The following HELLS variants were observed in gnomAD, a reference collection of about 807,000 sequenced individuals.
HELLS encodes the protein lymphoid-specific helicase.
Under a neutral mutation model 120.0 loss-of-function variants are expected in HELLS, and 32 were observed. That is an observed-to-expected ratio of 0.27 (90% confidence interval 0.20 to 0.36). The LOEUF is 0.36. Among genes scored for constraint, HELLS ranks in the 10% least tolerant of loss-of-function variants. HELLS has a pLI of 1.00. For synonymous variants in HELLS, 341 were observed against 323.4 expected (o/e 1.05, Z -0.58); for missense variants, 650 against 993.4 (o/e 0.65, Z 4.65).
intron 2 of HELLS, among the ~76,000 whole-genome samples, chr10:94,552,724 T>G (rs1026549620): frequency 2.6e-5 from 4 of 151,946 alleles, no homozygotes; most frequent in African/African-American, 9.7e-5. Flanking sequence ...GTAATCCCAG[T>G]ACTTTGGGAG....
At chr10:94,564,870 C>T (rs1020086234) in intron 6 of HELLS, among the ~76,000 whole-genome samples, 1 of 152,010 alleles carries the variant, frequency 6.6e-6, no homozygotes, top group Non-Finnish European at 1.5e-5. Flanking sequence ...GCTGCGATTA[C>T]AGGCATGAGG....
At chr10:94,599,284 A>G (rs1411699719) in intron 21 of HELLS, among the ~76,000 whole-genome samples, 1 of 152,246 alleles carries the variant, frequency 6.6e-6, no homozygotes, top group Non-Finnish European at 1.5e-5. Context: ...TATCAATTAA[A>G]TAATGGAGAA....
intron 7 of HELLS, 130 bp downstream of exon 7, chr10:94,571,559 C>A: frequency 3.0e-6 from 2 of 671,228 alleles, no homozygotes; most frequent in South Asian, 5.5e-5. Context: ...AAAAAAAATA[C>A]CTATGTATTC....
downstream of HELLS, among the ~76,000 whole-genome samples, chr10:94,604,751 A>G (rs1327358172): frequency 1.3e-5 from 2 of 152,142 alleles, no homozygotes; most frequent in East Asian, 1.9e-4. Context: ...TAGATAAGCC[A>G]TGGAATATGC....
At chr10:94,585,943 C>T (rs571156409) in intron 12 of HELLS, among the ~76,000 whole-genome samples, 2 of 152,158 alleles carry the variant, frequency 1.3e-5, no homozygotes, top group Non-Finnish European at 2.9e-5. Flanking sequence ...CTAGGAAAAA[C>T]ATATATAAAT....
intron 19 of HELLS, among the ~76,000 whole-genome samples, chr10:94,595,517 ACT>A (rs1845697541): frequency 6.6e-6 from 1 of 152,216 alleles, no homozygotes; most frequent in Non-Finnish European, 1.5e-5. Context: ...TATTGAACCC[ACT>A]GTTTCACAGA....
At chr10:94,586,130 T>G (rs1475831614) in intron 12 of HELLS, among the ~76,000 whole-genome samples, 1 of 144,208 alleles carries the variant, frequency 6.9e-6, no homozygotes, top group Admixed American at 6.8e-5. Context: ...TATTTATTTT[T>G]ATTTTTTTGA....
intron 12 of HELLS, among the ~76,000 whole-genome samples, chr10:94,583,601 G>A (rs117843577): frequency 1.3e-5 from 2 of 152,116 alleles, no homozygotes; most frequent in Non-Finnish European, 2.9e-5. Flanking sequence ...CAGGAGAGAA[G>A]TGAAAAGTAA....
exon 10 of HELLS, chr10:94,613,319 C>A (rs1350512622): frequency 6.6e-6 from 1 of 152,076 alleles, no homozygotes; most frequent in African/African-American, 2.4e-5. Context: ...CTCTGCTTTT[C>A]TTTTGGTTAG....
chr10:94,600,210 G>A (rs1845959937), intron 21 of HELLS, among the ~76,000 whole-genome samples: 1 of 151,442 alleles, frequency 6.6e-6, no homozygotes, highest in Admixed American at 6.6e-5. Context: ...AGAATTGCTA[G>A]AACCTGGCAG....
chr10:94,567,591 C>T lies in HELLS; in HGVS notation c.436-3797C>T, dbSNP rs569781627. ...AGATTACAGGCATGAGCCACTGCAC[C>T]GGCCTATTTCCAAGCTTTTTAAGAG... On this transcript the variant is annotated intron_variant, in intron 6 of 21. Coordinates refer to ENST00000348459, the MANE Select transcript of HELLS (RefSeq NM_018063.5). Among the ~76,000 whole-genome samples the T allele has an allele frequency of 4.6e-5, 7 of 152,252 alleles. No homozygotes were observed. In the East Asian group the frequency reaches 5.8e-4, roughly 13 times the overall value.
At chr10:94,589,680 C>CTTTTTTTT (rs67491329) in intron 13 of HELLS, among the ~76,000 whole-genome samples, 3 of 91,968 alleles carry the variant, frequency 3.3e-5, no homozygotes, top group Admixed American at 1.4e-4. Context: ...CTCCCCCCGA[C>CTTTTTTTT]TTTTTTTTTT....
exon 10 of HELLS, chr10:94,611,059 A>G (rs538411738): frequency 6.6e-5 from 10 of 152,190 alleles, no homozygotes; most frequent in Non-Finnish European, 1.3e-4. Flanking sequence ...GCTAAAGGAG[A>G]TAAAGCGACT....
chr10:94,581,077 C>T (rs900630041), intron 10 of HELLS, among the ~76,000 whole-genome samples: 1 of 152,116 alleles, frequency 6.6e-6, no homozygotes, highest in Non-Finnish European at 1.5e-5. Context: ...ATCTTAAATT[C>T]AAAATAGGTG....
intron 12 of HELLS, among the ~76,000 whole-genome samples, chr10:94,585,806 C>T (rs1012709147): frequency 6.6e-6 from 1 of 151,862 alleles, no homozygotes; most frequent in African/African-American, 2.4e-5. Context: ...CTCCTGGGTT[C>T]AAGTGATCCT....
Position 94,581,408 on chromosome 10 carries a change from G to A in HELLS, c.1115G>A (p.Arg372Gln), listed in dbSNP as rs771730256. 1.9e-6 allele frequency: 3 copies of A among 1,611,842 alleles called. No individual in the cohort carries two copies. The highest frequency in any genetic ancestry group is 1.7e-4 in the Middle Eastern group (1 of 6,056). ...TGCCGTCTAATCAGGGAGTTAAAAC[G>A]ATTCAATGCTGATAACAAACTTCTT... ...MKCRLIRELKRFNADNKLLLT... is the reference protein window; with the variant it reads ...MKCRLIRELKQFNADNKLLLT... Residue 372 changes from arginine to glutamine, a missense_variant, in exon 11 of 22, where the codon CGA becomes CAA. Arg to Gln is a conservative substitution (Grantham distance 43). Around this residue, in one of 9 missense-constraint regions of HELLS, gnomAD observed 48 missense variants for 127.0 expected, o/e 0.38. Transcript: ENST00000348459.
chr10:94,560,104 C>G (rs1843476751), intron 4 of HELLS, among the ~76,000 whole-genome samples: 1 of 152,084 alleles, frequency 6.6e-6, no homozygotes, highest in African/African-American at 2.4e-5. Flanking sequence ...GTGATTTCGG[C>G]TCACTGCAAC....
Position 94,574,867 on chromosome 10 carries a change from TACTC to T in HELLS, c.888+133_888+136del, listed in dbSNP as rs530413049. 1.0e-3 allele frequency: 716 copies of T among 694,776 alleles called. 4 individuals carry two copies. In the African/African-American group the frequency reaches 0.011, roughly 11 times the overall value. The allele number at this position is 694,776 out of a possible 1,614,324, so 43.0% of individuals were successfully genotyped here. A position where few individuals can be genotyped will look rare whatever the true frequency, so the allele number is the denominator to read the frequency against. On this transcript the variant is annotated intron_variant, in intron 9 of 21. Transcript: ENST00000348459. ...TATAAATATTTTGTCTGATTTGACT[TACTC>T]AATCTGCACAATACCCTAATTTAAA...
intron 12 of HELLS, chr10:94,584,102 C>A: frequency 7.2e-7 from 1 of 1,381,464 alleles, no homozygotes; most frequent in Non-Finnish European, 9.5e-7. Flanking sequence ...TACTTATTTA[C>A]TCAAGCTTCA....
Sources: gnomAD v4.1 joint callset for allele counts (sites outside exome capture counted in the v4.1 genomes callset) on GRCh38, gnomAD v4.1.1 for gene constraint, gnomAD v4.1.1 regional missense constraint, MANE v1.5 for transcripts, NCBI Gene and HGNC (gene_info 2026-07-23, HGNC 2026-07-21) for gene names.